RCCD1: variants seen among roughly 807,000 people sequenced by gnomAD.
RCCD1 encodes RCC1 domain-containing protein 1.
RCCD1 carries 40 observed loss-of-function variants against 37.6 expected under a neutral mutation model. That is an observed-to-expected ratio of 1.06 (90% CI 0.83 to 1.39). The LOEUF is 1.39. Ranked by LOEUF, RCCD1 falls within the 40% of genes most tolerant of loss-of-function variation. RCCD1 has a pLI of 0.00. For missense variants in RCCD1, 577 were observed against 517.3 expected (o/e 1.12, Z -1.12); for synonymous variants, 263 against 230.0 (o/e 1.14, Z -1.30).
At chr15:90,961,569 G>C in intron 7 of RCCD1, 49 bp from the exon 8 acceptor site, 1 of 1,570,734 alleles carries the variant, frequency 6.4e-7, no homozygotes, top group Non-Finnish European at 8.7e-7. Flanking sequence ...AGGGAAAGCA[G>C]CAGCAAGACC....
At position 90,962,019 on chromosome 15, in the gene RCCD1, T is replaced by G. The variant is rs2037326303; in HGVS notation, c.*250T>G. 4 of 283,084 alleles carry G rather than the reference T, an allele frequency of 1.4e-5. No individual in the cohort carries two copies. Among genetic ancestry groups the G allele is most frequent in the African/African-American group, 8.7e-5 (4 of 46,032 alleles). 17.5% of individuals were successfully genotyped at this position (283,084 alleles called of 1,614,324 possible). A position where few individuals can be genotyped will look rare whatever the true frequency, so the allele number is the denominator to read the frequency against. ...ACAATGAAACCAGAGCTTCTAGGTG[T>G]GTGGCCTGGATAGTGGTAGATTCAA... On this transcript the variant is annotated 3_prime_UTR_variant, in exon 8 of 8. Transcript: ENST00000394258.
Position 90,957,199 on chromosome 15 carries a change from G to T in RCCD1, c.253G>T (p.Val85Leu). ...GTGGGCCTCGGAGGGGCTCCTCGCG[G>T]TGCTGCGCGCCGGGCCGGGGCCGGA... Reference protein sequence around the residue: ...DAWASEGLLAVLRAGPGPEAL... With the variant: ...DAWASEGLLALLRAGPGPEAL... Residue 85 changes from valine (V) to leucine (L), a missense_variant, in exon 3 of 8, where the codon GTG (valine) becomes TTG (leucine). Transcript: ENST00000394258. 1 of 1,404,398 alleles carries T rather than the reference G, an allele frequency of 7.1e-7. No homozygotes were observed. Among genetic ancestry groups the T allele is most frequent in the South Asian group, 1.6e-5 (1 of 63,610 alleles). The allele number at this position is 1,404,398 out of a possible 1,614,324, so 87.0% of individuals were successfully genotyped here.
rs1567170029 is a variant in RCCD1, at chr15:90,961,625, T to G, written c.987T>G (p.Tyr329Ter). ...GGGCTGATTTCACTTTAGGTAAATA[T>G]GGACAGCTGGGCCACGAGGACACCA... ...GELYTWGWGK[Y>*]GQLGHEDTTS... Residue 329 changes from tyrosine to a stop codon, truncating the protein, a stop_gained, in exon 8 of 8, where the codon TAT becomes TAG. Transcript: ENST00000394258. LOFTEE classifies it high-confidence loss of function. The G allele has an allele frequency of 6.2e-7, 1 of 1,612,722 alleles. No individual in the cohort carries two copies. The highest frequency in any genetic ancestry group is 1.7e-5 in the Admixed American group (1 of 59,788).
rs549907340 is a variant in RCCD1 at position 90,961,740 on chromosome 15, G to A, written c.1102G>A (p.Val368Met). The part of the protein sequence containing the change: ...AVTCGPWNTY[V>M]YAVEKGKS The stretch of plus-strand genomic sequence containing the variant: ...CACCTGTGGGCCGTGGAACACCTAC[G>A]TGTATGCTGTGGAGAAAGGGAAGAG... Residue 368 changes from valine to methionine, a missense_variant, in exon 8 of 8, where the codon GTG (valine) becomes ATG (methionine). Transcript: ENST00000394258. 133 of 1,614,050 alleles carry A rather than the reference G, an allele frequency of 8.2e-5. No individual in the cohort carries two copies. In the South Asian group the frequency reaches 1.4e-3, roughly 16 times the overall value.
Position 90,960,513 on chromosome 15 carries a change from G to C in RCCD1, c.949+15G>C, listed in dbSNP as rs909516689. 3.1e-6 allele frequency: 5 copies of C among 1,601,624 alleles called. No homozygotes were observed. Among genetic ancestry groups the C allele is most frequent in the Non-Finnish European group, 4.2e-6 (5 of 1,177,342 alleles). ...TGTGGTGACACGTGAGTGGGGCTGG[G>C]AGGCACTCTGCTCCACTCGAGCTGG... On this transcript the variant is annotated intron_variant, in intron 6 of 7. Transcript: ENST00000394258.
chr15:90,958,768 C>CA, intron 4 of RCCD1, among the ~76,000 whole-genome samples: 1 of 149,670 alleles, frequency 6.7e-6, no homozygotes, highest in Middle Eastern at 3.6e-3. Flanking sequence ...CGTCTTTGTA[C>CA]AAAAAATATA....
At chr15:90,958,520 C>T (rs781427600) in intron 4 of RCCD1, among the ~76,000 whole-genome samples, 9 of 149,568 alleles carry the variant, frequency 6.0e-5, no homozygotes, top group African/African-American at 1.7e-4. Flanking sequence ...CCTGGCTACT[C>T]GGGAGGCTGA....
In RCCD1 at chr15:90,957,147, C is replaced by T; in HGVS notation, c.201C>T (p.Ser67=). The T allele has an allele frequency of 1.5e-6, 2 of 1,361,088 alleles. No individual in the cohort carries two copies. The highest frequency in any genetic ancestry group is 3.0e-5 in the East Asian group (1 of 32,988). 84.3% of individuals were successfully genotyped at this position (1,361,088 alleles called of 1,614,324 possible). A position where few individuals can be genotyped will look rare whatever the true frequency, so the allele number is the denominator to read the frequency against. The change falls in exon 3 of 8, where the codon AGC becomes AGT. Residue 67 remains serine, a synonymous_variant. Transcript: ENST00000394258. ...GCTTGGAGCTGTCGGGCTCAGCCAG[C>T]GGCGCGGCGGGCCGCTGCAAGGACG... ...GGRLELSGSA[S]GAAGRCKDAW...
In RCCD1 at chr15:90,957,683, G is replaced by A; in HGVS notation, c.637G>A (p.Ala213Thr). ...GGAGGCGTTGCAGGGCCTAGTCATGGCTGAGGTGGCCGCGGGGGGCTGGCA... is the reference window on the plus strand; with the variant it reads ...GGAGGCGTTGCAGGGCCTAGTCATGACTGAGGTGGCCGCGGGGGGCTGGCA... ...LLEALQGLVMAEVAAGGWHSV... is the reference protein window; with the variant it reads ...LLEALQGLVMTEVAAGGWHSV... Residue 213 changes from alanine to threonine, a missense_variant, in exon 4 of 8, where the codon GCT becomes ACT. Ala to Thr is a moderately conservative substitution (Grantham distance 58, BLOSUM62 0). Coordinates refer to ENST00000394258, the MANE Select transcript of RCCD1 (RefSeq NM_001017919.2). The A allele has an allele frequency of 6.2e-7, 1 of 1,613,724 alleles. No homozygotes were observed. Among genetic ancestry groups the A allele is most frequent in the South Asian group, 1.1e-5 (1 of 91,056 alleles).
At chr15:90,960,859 C>G in intron 6 of RCCD1, 166 bp from the exon 7 acceptor site, 1 of 741,028 alleles carries the variant, frequency 1.3e-6, no homozygotes, top group South Asian at 1.5e-5. Context: ...GGATCCTCTG[C>G]CATGCCACGT....
rs1208231338 is a variant in RCCD1 at position 90,957,365 on chromosome 15, C to T, written c.419C>T (p.Ala140Val). 2 of 1,546,032 alleles carry T rather than the reference C, an allele frequency of 1.3e-6. No homozygotes were observed. Among genetic ancestry groups the T allele is most frequent in the Middle Eastern group, 1.7e-4 (1 of 5,840 alleles). ...QAGRLPLLPC[A>V]RAYVSPRAPF... is the part of the protein sequence containing the mutation. The stretch of plus-strand genomic sequence containing the variant: ...GGGAGGCTACCCCTGCTGCCCTGCG[C>T]CCGTGCCTACGTGAGCCCGCGGGCG... The change falls in exon 3 of 8, where the codon GCC becomes GTC. Residue 140 changes from alanine (A) to valine (V), a missense_variant. Ala to Val is a moderately conservative substitution (Grantham distance 64, BLOSUM62 0). Transcript: ENST00000394258.
rs1466537994 is a variant in RCCD1 at position 90,963,039 on chromosome 15, C to G, written c.*1270C>G. On this transcript the variant is annotated 3_prime_UTR_variant, in exon 8 of 8. Transcript: ENST00000394258. ...CTGTGGTTTAGCAAATGTTTCCCAC[C>G]CATGGGGTCTTTTTTATTGTGGTAA... 6.6e-6 allele frequency: 1 copy of G among 152,044 alleles called. No individual in the cohort carries two copies. Among genetic ancestry groups the G allele is most frequent in the African/African-American group, 2.4e-5 (1 of 41,370 alleles). 9.4% of individuals were successfully genotyped at this position (152,044 alleles called of 1,614,324 possible). A position where few individuals can be genotyped will look rare whatever the true frequency, so the allele number is the denominator to read the frequency against.
rs1199862807 is a variant in RCCD1 at position 90,957,628 on chromosome 15, C to CCTGGAGGCAGAG, written c.589_600dup (p.Ala197_Glu200dup). 6 of 1,614,016 alleles carry CCTGGAGGCAGAG rather than the reference C, an allele frequency of 3.7e-6. No individual in the cohort carries two copies. In the African/African-American group the frequency reaches 4.0e-5, roughly 11 times the overall value. On this transcript the variant is annotated inframe_insertion, in exon 4 of 8. Transcript: ENST00000394258. ...GGCATGGACAGCTGGGCCATGGGAC[C>CCTGGAGGCAGAG]CTGGAGGCAGAGCTGGAGCCACGGC...
chr15:90,955,250 C>G (rs923398738), intron 1 of RCCD1: 3 of 152,212 alleles, frequency 2.0e-5, no homozygotes, highest in Non-Finnish European at 4.4e-5. Context: ...CCGCCGCGCC[C>G]CGGGCGGCGA....
In RCCD1 at chr15:90,959,882, C is replaced by A. The variant is rs1468878673; in HGVS notation, c.680-18C>A. ...GGGCTTCACAGTCTGTTTCATGTGT[C>A]CCCTTGATCTCTTTCAGAGACTGGG... On this transcript the variant is annotated intron_variant, in intron 4 of 7. Coordinates refer to ENST00000394258, the MANE Select transcript of RCCD1 (RefSeq NM_001017919.2). The A allele has an allele frequency of 1.9e-6, 3 of 1,573,220 alleles. No individual in the cohort carries two copies. The highest frequency in any genetic ancestry group is 1.7e-5 in the Admixed American group (1 of 58,084).
intron 4 of RCCD1, among the ~76,000 whole-genome samples, chr15:90,958,885 G>A (rs1343475486): frequency 6.9e-6 from 1 of 143,912 alleles, no homozygotes; most frequent in Non-Finnish European, 1.5e-5. Flanking sequence ...AGTGAGCCAA[G>A]ATCACACCAC....
chr15:90,960,209 C>T, intron 5 of RCCD1, 119 bp from the exon 6 acceptor site: 1 of 1,113,714 alleles, frequency 9.0e-7, no homozygotes. Context: ...GGGTTGGGAG[C>T]ACCAGCTTTG....
Position 90,960,232 on chromosome 15 carries a change from C to T in RCCD1, c.779-96C>T, listed in dbSNP as rs1346332588. ...AGCACCAGCTTTGGAGCTAGGCAGT[C>T]GTGTACCTCAGAGCTGTTGTGGCAA... On this transcript the variant is annotated intron_variant, in intron 5 of 7. Coordinates refer to ENST00000394258, the MANE Select transcript of RCCD1 (RefSeq NM_001017919.2). 5.4e-6 allele frequency: 7 copies of T among 1,285,896 alleles called. No individual in the cohort carries two copies. The Admixed American group carries it at 6.2e-5, about 11-fold the overall frequency. The allele number at this position is 1,285,896 out of a possible 1,614,324, so 79.7% of individuals were successfully genotyped here.
In RCCD1 at chr15:90,959,888, G is replaced by C. The variant is rs1324842277; in HGVS notation, c.680-12G>C. On this transcript the variant is annotated splice_polypyrimidine_tract_variant and intron_variant, in intron 4 of 7. Transcript: ENST00000394258. Reference sequence around the variant, plus strand: ...CACAGTCTGTTTCATGTGTCCCCTTGATCTCTTTCAGAGACTGGGGATATT... The same window carrying C: ...CACAGTCTGTTTCATGTGTCCCCTTCATCTCTTTCAGAGACTGGGGATATT... 1.7e-5 allele frequency: 27 copies of C among 1,591,486 alleles called. No individual in the cohort carries two copies. Among genetic ancestry groups the C allele is most frequent in the Non-Finnish European group, 2.3e-5 (27 of 1,162,240 alleles).
Sources: allele counts gnomAD v4.1 joint callset (sites outside exome capture counted in the v4.1 genomes callset), GRCh38; gene constraint gnomAD v4.1.1; transcripts MANE v1.5; gene names NCBI Gene and HGNC (gene_info 2026-07-23, HGNC 2026-07-21).